BBC3: variants seen among roughly 807,000 people sequenced by gnomAD.
BBC3 encodes the protein bcl-2-binding component 3.
BBC3 carries 5 observed loss-of-function variants against 18.2 expected under a neutral mutation model. The ratio of observed to expected loss-of-function variants is 0.27; its 90% CI spans 0.14 to 0.58. The LOEUF is 0.58. Ranked by LOEUF, BBC3 falls within the 20% of genes least tolerant of loss-of-function variation. BBC3 has a pLI of 0.91. For synonymous variants in BBC3, 119 were observed against 128.0 expected (o/e 0.93, Z 0.47); for missense variants, 224 against 268.9 (o/e 0.83, Z 1.17).
rs750787778 is a variant in BBC3 at position 47,221,726 on chromosome 19, G to A, written c.*76C>T. On this transcript the variant is annotated 3_prime_UTR_variant, in exon 4 of 4. Coordinates refer to ENST00000439096, the MANE Select transcript of BBC3 (RefSeq NM_014417.5). ...CTACATGGTGCAGAGAAAGTCCCCC[G>A]CGCTGGCCAGGGTGTCAGGAGGTGG... 51 of 1,599,364 alleles carry A rather than the reference G, an allele frequency of 3.2e-5. No homozygotes were observed. The highest frequency in any genetic ancestry group is 5.6e-5 in the South Asian group (5 of 89,860).
At chr19:47,223,730 T>C (rs1383338702) in intron 3 of BBC3, among the ~76,000 whole-genome samples, 1 of 151,996 alleles carries the variant, frequency 6.6e-6, no homozygotes, top group Non-Finnish European at 1.5e-5. Context: ...ATCCTCATCG[T>C]CCTCATGCTA....
In BBC3 at chr19:47,230,765, C is replaced by T. The variant is rs2058903529; in HGVS notation, c.-16+164G>A. The T allele has an allele frequency of 1.0e-6, 1 of 985,262 alleles. No homozygotes were observed. Among genetic ancestry groups the T allele is most frequent in the South Asian group, 4.7e-5 (1 of 21,292 alleles). 61.0% of individuals were successfully genotyped at this position (985,262 alleles called of 1,614,324 possible). ...CGCCCCAACGCCGAGCCGCCTCTCA[C>T]CCGGCGACCCTGGCCCAGGGTCCCT... On this transcript the variant is annotated intron_variant, in intron 1 of 3. Transcript: ENST00000439096. The surrounding 1 kb of genome is among the most constrained non-coding windows in gnomAD (Gnocchi z 6.7).
At chr19:47,223,840 G>A (rs182377443) in intron 3 of BBC3, among the ~76,000 whole-genome samples, 1 of 152,240 alleles carries the variant, frequency 6.6e-6, no homozygotes, top group African/African-American at 2.4e-5. Flanking sequence ...TCGGATTGGT[G>A]TAAGTTACAA....
In BBC3 at chr19:47,230,510, C is replaced by G. The variant is rs935594506; in HGVS notation, c.-16+419G>C. Among the ~76,000 whole-genome samples the G allele has an allele frequency of 1.5e-4, 23 of 151,140 alleles. No individual in the cohort carries two copies. Among genetic ancestry groups the G allele is most frequent in the Admixed American group, 2.6e-4 (4 of 15,194 alleles). The stretch of plus-strand genomic sequence containing the variant: ...CCGCCCGCAGGAGCCGCAGACTCCA[C>G]GGCCCGCGAGCCGCCCCCCGTCGCC... On this transcript the variant is annotated intron_variant, in intron 1 of 3. Coordinates refer to ENST00000439096, the MANE Select transcript of BBC3 (RefSeq NM_014417.5). This position sits in a 1 kb window ranked among gnomAD's most constrained non-coding sequence, Gnocchi z 6.7.
chr19:47,228,276 G>A lies in BBC3; in HGVS notation c.156C>T (p.Thr52=). ...CGCAGAGGTAGGCAGCGGGCAGCAGGGTGGGGGCGGCGGGGGCGGCAGCCA... is the reference window on the plus strand; with the variant it reads ...CGCAGAGGTAGGCAGCGGGCAGCAGAGTGGGGGCGGCGGGGGCGGCAGCCA... ...PGLAAAPAAP[T]LLPAAYLCAP... Residue 52 remains threonine, a synonymous_variant, in exon 2 of 4, where the codon ACC becomes ACT. Coordinates refer to ENST00000439096, the MANE Select transcript of BBC3 (RefSeq NM_014417.5). This position sits in a 1 kb window ranked among gnomAD's most constrained non-coding sequence, Gnocchi z 5.5. 8.2e-7 allele frequency: 1 copy of A among 1,217,534 alleles called. No homozygotes were observed. The highest frequency in any genetic ancestry group is 1.0e-6 in the Non-Finnish European group (1 of 978,796). 75.4% of individuals were successfully genotyped at this position (1,217,534 alleles called of 1,614,324 possible).
chr19:47,222,836 A>T (rs1028607242), intron 3 of BBC3, among the ~76,000 whole-genome samples: 3 of 151,846 alleles, frequency 2.0e-5, no homozygotes, highest in Admixed American at 6.6e-5. Context: ...TTGGTGGCAC[A>T]TGTCTGTAAT....
intron 3 of BBC3, chr19:47,222,489 G>C (rs901416026): frequency 6.6e-6 from 1 of 152,302 alleles, no homozygotes; most frequent in African/African-American, 2.4e-5. Context: ...GGGCAGGCAG[G>C]AGGCTAGGTC....
At chr19:47,226,429 T>TCCC in intron 3 of BBC3, 135 bp downstream of exon 3, 1 of 212,194 alleles carries the variant, frequency 4.7e-6, no homozygotes, top group Non-Finnish European at 9.3e-6. Context: ...CCCACCCACT[T>TCCC]ACCCCCCACC....
Position 47,230,255 on chromosome 19 carries a change from T to C in BBC3, c.-16+674A>G, listed in dbSNP as rs2058893444. ...CGGGTCAGAAACCCCAACATTCCTC[T>C]GGATCGACACCACCACTCCCTGCAG... On this transcript the variant is annotated intron_variant, in intron 1 of 3. Coordinates refer to ENST00000439096, the MANE Select transcript of BBC3 (RefSeq NM_014417.5). This position sits in a 1 kb window ranked among gnomAD's most constrained non-coding sequence, Gnocchi z 6.7. Among the ~76,000 whole-genome samples, 1 of 151,918 alleles carries C rather than the reference T, an allele frequency of 6.6e-6. No individual in the cohort carries two copies. The highest frequency in any genetic ancestry group is 1.5e-5 in the Non-Finnish European group (1 of 67,984).
chr19:47,232,383 CAG>C, upstream of BBC3: 1 of 708,600 alleles, frequency 1.4e-6, no homozygotes, highest in Non-Finnish European at 2.3e-6. Flanking sequence ...AACTGACATT[CAG>C]AGACACAAAC....
Position 47,230,804 on chromosome 19 carries a change from G to C in BBC3, c.-16+125C>G, listed in dbSNP as rs926597762. On this transcript the variant is annotated intron_variant, in intron 1 of 3. Transcript: ENST00000439096. The surrounding 1 kb of genome is among the most constrained non-coding windows in gnomAD (Gnocchi z 6.7). ...CCCAGGGTCCCTCGCGGGGTTTGGA[G>C]AGGCGCGGTGTGGGGAGGCAGGGCG... 14 of 985,314 alleles carry C rather than the reference G, an allele frequency of 1.4e-5. No individual in the cohort carries two copies. Among genetic ancestry groups the C allele is most frequent in the Non-Finnish European group, 1.7e-5 (14 of 829,914 alleles). The allele number at this position is 985,314 out of a possible 1,614,324, so 61.0% of individuals were successfully genotyped here.
At chr19:47,224,256 T>C (rs2058785372) in intron 3 of BBC3, among the ~76,000 whole-genome samples, 1 of 151,146 alleles carries the variant, frequency 6.6e-6, no homozygotes, top group Non-Finnish European at 1.5e-5. Context: ...GATTGCACCA[T>C]TGCACTCCAA....
Position 47,228,250 on chromosome 19 carries a change from G to T in BBC3, c.182C>A (p.Ala61Asp). The change falls in exon 2 of 4, where the codon GCC becomes GAC. Residue 61 changes from alanine to aspartate, a missense_variant. Coordinates refer to ENST00000439096, the MANE Select transcript of BBC3 (RefSeq NM_014417.5). This position sits in a 1 kb window ranked among gnomAD's most constrained non-coding sequence, Gnocchi z 5.5. ...GGTGACGGCGGGTGGGGCGGTGGGG[G>T]CGCAGAGGTAGGCAGCGGGCAGCAG... The part of the protein sequence containing the change: ...PTLLPAAYLC[A>D]PTAPPAVTAA... 1 of 1,211,094 alleles carries T rather than the reference G, an allele frequency of 8.3e-7. No individual in the cohort carries two copies. The highest frequency in any genetic ancestry group is 1.0e-6 in the Non-Finnish European group (1 of 973,548). 75.0% of individuals were successfully genotyped at this position (1,211,094 alleles called of 1,614,324 possible).
chr19:47,229,713 C>T (rs1449392306), intron 1 of BBC3, among the ~76,000 whole-genome samples: 1 of 151,880 alleles, frequency 6.6e-6, no homozygotes, highest in Non-Finnish European at 1.5e-5. Context: ...CACCCACCGT[C>T]TACACTGCAT....
At chr19:47,229,379 C>A (rs1412362844) in intron 1 of BBC3, among the ~76,000 whole-genome samples, 2 of 151,918 alleles carry the variant, frequency 1.3e-5, no homozygotes, top group African/African-American at 4.8e-5. Flanking sequence ...AGATCAGGCA[C>A]ACACAGACAC....
At chr19:47,222,387 C>G (rs904713291) in intron 3 of BBC3, 1 of 153,252 alleles carries the variant, frequency 6.5e-6, no homozygotes. Context: ...CACCTCTAGG[C>G]AACGCCGAGT....
upstream of BBC3, chr19:47,232,455 G>GCTTCTT: frequency 6.9e-7 from 1 of 1,452,198 alleles, no homozygotes; most frequent in Non-Finnish European, 9.4e-7. Context: ...ACCTGTGACA[G>GCTTCTT]CTTCTTGCTA....
chr19:47,222,251 T>G, intron 3 of BBC3: 1 of 228,084 alleles, frequency 4.4e-6, no homozygotes, highest in Admixed American at 5.6e-5. Flanking sequence ...ATCCTGCCCC[T>G]CCCTACAGGG....
rs137904182 is a variant in BBC3, at chr19:47,224,379, T to A, written c.465+2185A>T. 2.0e-3 allele frequency among the ~76,000 whole-genome samples: 298 copies of A among 152,188 alleles called. 1 individual carries two copies. The highest frequency in any genetic ancestry group is 7.0e-3 in the African/African-American group (292 of 41,518). ...AGCTCAGACCCATAATTCCAGCAAT[T>A]TGGGAGGCCAAGGCAGGAGGATCAC... is the stretch of plus-strand genomic sequence containing the variant. On this transcript the variant is annotated intron_variant, in intron 3 of 3. Coordinates refer to ENST00000439096, the MANE Select transcript of BBC3 (RefSeq NM_014417.5).
Sources: gnomAD v4.1 joint callset for allele counts (sites outside exome capture counted in the v4.1 genomes callset) on GRCh38, gnomAD v4.1.1 for gene constraint, Gnocchi (gnomAD v3.1) non-coding constraint, MANE v1.5 for transcripts, NCBI Gene and HGNC (gene_info 2026-07-23, HGNC 2026-07-21) for gene names.